Variants in TENM3 observed in about 807,000 individuals in gnomAD.
TENM3 encodes teneurin transmembrane protein 3.
TENM3 carries 63 observed loss-of-function variants against 255.1 expected under a neutral mutation model. The ratio of observed to expected loss-of-function variants is 0.25; its 90% confidence interval spans 0.20 to 0.30. The LOEUF (loss-of-function observed/expected upper bound fraction) is 0.30, where lower values mean the gene tolerates loss of function less well. Among genes scored for constraint, TENM3 ranks in the 10% least tolerant of loss-of-function variants. The pLI, the probability that TENM3 is intolerant of heterozygous loss-of-function variation, is 1.00. For missense variants in TENM3, 2,929 were observed against 3,461.1 expected (o/e 0.85, Z 3.86); for synonymous variants, 1,306 against 1,322.3 (o/e 0.99, Z 0.27).
chr4:182,219,621 C>T (rs1026391309), intron 1 of TENM3, among the ~76,000 whole-genome samples: 4 of 152,026 alleles, frequency 2.6e-5, no homozygotes, highest in South Asian at 2.1e-4. Context: ...GTCATCATCG[C>T]GCCACTGCAC....
chr4:182,791,203 T>C (rs934466632), intron 25 of TENM3, among the ~76,000 whole-genome samples: 1 of 152,224 alleles, frequency 6.6e-6, no homozygotes. Flanking sequence ...ACAACCTGCA[T>C]GCAAAAATTG....
intron 24 of TENM3, among the ~76,000 whole-genome samples, chr4:182,781,516 C>G (rs1462575447): frequency 1.3e-5 from 2 of 151,978 alleles, no homozygotes; most frequent in Non-Finnish European, 2.9e-5. Flanking sequence ...GTCTAAAATT[C>G]TTTTTTGTTG....
At chr4:182,728,500 A>C (rs1227255444) in intron 13 of TENM3, among the ~76,000 whole-genome samples, 5 of 152,218 alleles carry the variant, frequency 3.3e-5, no homozygotes, top group Non-Finnish European at 7.3e-5. Flanking sequence ...GGCAGATGCA[A>C]GTAGATTTAT....
chr4:182,303,588 T>C (rs1761965901), intron 1 of TENM3, among the ~76,000 whole-genome samples: 1 of 152,198 alleles, frequency 6.6e-6, no homozygotes, highest in Admixed American at 6.5e-5. Context: ...CATGCGCATC[T>C]GGTTTTGAGC....
chr4:182,711,658 A>G (rs2152671944), intron 12 of TENM3: 1 of 732,608 alleles, frequency 1.4e-6, no homozygotes, highest in African/African-American at 1.9e-5. Flanking sequence ...ATATAACTGT[A>G]TATCACTAGG....
At chr4:181,999,016 G>C in the TENM3 span, among the ~76,000 whole-genome samples, 1 of 152,180 alleles carries the variant, frequency 6.6e-6, no homozygotes, top group Admixed American at 6.6e-5. Flanking sequence ...GCAGCTAGCA[G>C]AGCTCTTGGC....
the TENM3 span, among the ~76,000 whole-genome samples, chr4:182,100,786 C>CTCATAT: frequency 6.0e-5 from 2 of 33,084 alleles, no homozygotes; most frequent in African/African-American, 2.0e-4. Context: ...TATATATACA[C>CTCATAT]ATATATATAC....
At chr4:181,963,439 T>C in the TENM3 span, among the ~76,000 whole-genome samples, 1 of 152,190 alleles carries the variant, frequency 6.6e-6, no homozygotes, top group Non-Finnish European at 1.5e-5. Flanking sequence ...CAAAGCTGGA[T>C]TTGCCCAAAA....
At chr4:182,645,573 T>C (rs1266074676) in intron 5 of TENM3, among the ~76,000 whole-genome samples, 1 of 152,154 alleles carries the variant, frequency 6.6e-6, no homozygotes, top group Non-Finnish European at 1.5e-5. Flanking sequence ...TGCCTCACAG[T>C]CTGTAAGGTT....
intron 3 of TENM3, among the ~76,000 whole-genome samples, chr4:182,410,152 C>T (rs924212288): frequency 2.0e-5 from 3 of 152,148 alleles, no homozygotes; most frequent in African/African-American, 7.2e-5. Context: ...TTTCAGTGTG[C>T]AGGGATCACG....
At chr4:182,682,467 A>G (rs1756249512) in intron 11 of TENM3, among the ~76,000 whole-genome samples, 1 of 152,224 alleles carries the variant, frequency 6.6e-6, no homozygotes, top group Admixed American at 6.5e-5. Context: ...ATGGTTCAAC[A>G]CTGAGTTTTT....
the TENM3 span, among the ~76,000 whole-genome samples, chr4:181,887,706 G>C: frequency 6.6e-6 from 1 of 152,190 alleles, no homozygotes; most frequent in African/African-American, 2.4e-5. Flanking sequence ...TCAGCCTCTC[G>C]GACTCCAGGA....
At chr4:182,565,383 C>G (rs1157291649) in intron 3 of TENM3, among the ~76,000 whole-genome samples, 3 of 152,180 alleles carry the variant, frequency 2.0e-5, no homozygotes. Flanking sequence ...TATCTACACC[C>G]ATTTACTACA....
At chr4:182,773,038 T>C (rs1764386946) in intron 22 of TENM3, among the ~76,000 whole-genome samples, 3 of 152,236 alleles carry the variant, frequency 2.0e-5, no homozygotes, top group Non-Finnish European at 2.9e-5. Flanking sequence ...AATACATACA[T>C]GCACGTAAAC....
the TENM3 span, among the ~76,000 whole-genome samples, chr4:181,797,696 G>A: frequency 6.6e-6 from 1 of 152,120 alleles, no homozygotes; most frequent in Non-Finnish European, 1.5e-5. Flanking sequence ...ATCCCCATAG[G>A]CTTCGCAGTG....
the TENM3 span, among the ~76,000 whole-genome samples, chr4:181,871,830 C>T: frequency 2.0e-5 from 3 of 151,954 alleles, no homozygotes; most frequent in African/African-American, 2.4e-5. Context: ...ATTATATGGT[C>T]TTTCTTCCTT....
At chr4:182,228,682 C>T (rs565724607) in intron 1 of TENM3, among the ~76,000 whole-genome samples, 41 of 152,028 alleles carry the variant, frequency 2.7e-4, no homozygotes, top group African/African-American at 6.5e-4. Flanking sequence ...GTTAAGAATG[C>T]GGAGAAAATG....
intron 23 of TENM3, among the ~76,000 whole-genome samples, chr4:182,774,667 G>T (rs1764533921): frequency 6.6e-6 from 1 of 152,132 alleles, no homozygotes; most frequent in South Asian, 2.1e-4. Context: ...TCAGGCAAAT[G>T]AGAAAAAGAA....
intron 1 of TENM3, among the ~76,000 whole-genome samples, chr4:182,295,021 G>C (rs1455160251): frequency 6.6e-6 from 1 of 151,938 alleles, no homozygotes; most frequent in African/African-American, 2.4e-5. Flanking sequence ...AGGGGCTACA[G>C]TTTGACATTT....
Sources: gnomAD v4.1 joint callset for allele counts (sites outside exome capture counted in the v4.1 genomes callset) on GRCh38, gnomAD v4.1.1 for gene constraint, MANE v1.5 for transcripts, NCBI Gene and HGNC (gene_info 2026-07-23, HGNC 2026-07-21) for gene names.